CCDC171: variants seen among roughly 807,000 people sequenced by gnomAD.
CCDC171 encodes coiled-coil domain containing 171.
CCDC171 carries 177 observed loss-of-function variants against 168.2 expected under a neutral mutation model. That is an observed-to-expected ratio of 1.05 (90% CI 0.93 to 1.19). The LOEUF (loss-of-function observed/expected upper bound fraction) is 1.19. CCDC171 is among the 50% of genes most tolerant of loss of function. The pLI, the probability that CCDC171 is intolerant of heterozygous loss-of-function variation, is 0.00. For synonymous variants in CCDC171, 687 were observed against 540.8 expected, an observed-to-expected ratio of 1.27 and a Z score of -3.75; for missense variants, 1,991 against 1,539.0, an observed-to-expected ratio of 1.29 and a Z score of -4.91.
chr9:15,849,870 A>G (rs777147643), intron 23 of CCDC171, among the ~76,000 whole-genome samples: 1 of 151,874 alleles, frequency 6.6e-6, no homozygotes, highest in Non-Finnish European at 1.5e-5. Context: ...GCATTTTAAC[A>G]TTTTAAAAAC....
At chr9:15,645,637 A>C (rs1201396353) in intron 7 of CCDC171, among the ~76,000 whole-genome samples, 1 of 152,232 alleles carries the variant, frequency 6.6e-6, no homozygotes, top group African/African-American at 2.4e-5. Flanking sequence ...AAGTGAAAGA[A>C]AGGGTATCAG....
chr9:15,725,902 C>T (rs929142813), intron 14 of CCDC171, among the ~76,000 whole-genome samples: 2 of 152,148 alleles, frequency 1.3e-5, no homozygotes, highest in African/African-American at 2.4e-5. Flanking sequence ...GTTGCCTACC[C>T]ATTTATGTTT....
In CCDC171 at chr9:15,817,108, A is replaced by G. The variant is rs1304509727; in HGVS notation, c.3268-29594A>G. The stretch of plus-strand genomic sequence containing the variant: ...AGCGCACTTGTCTAATTCCATTCTG[A>G]TTGGCATTGGCTGTCATTAGGTGTT... On this transcript the variant is annotated intron_variant, in intron 21 of 25. Transcript: ENST00000380701. 1.7e-5 allele frequency among the ~76,000 whole-genome samples: 2 copies of G among 116,972 alleles called. 1 individual carries two copies. The highest frequency in any genetic ancestry group is 1.6e-4 in the Admixed American group (2 of 12,384). The allele number at this position is 116,972 out of a possible 152,430, so 76.7% of individuals were successfully genotyped here. A position where few individuals can be genotyped will look rare whatever the true frequency, so the allele number is the denominator to read the frequency against.
At chr9:15,658,961 C>T (rs1427694788) in intron 8 of CCDC171, among the ~76,000 whole-genome samples, 1 of 152,040 alleles carries the variant, frequency 6.6e-6, no homozygotes, top group Non-Finnish European at 1.5e-5. Flanking sequence ...AACTAATTTG[C>T]AGTGTGAGGG....
At chr9:16,021,212 CG>C (rs1833153584) in intron 4 of CCDC171, among the ~76,000 whole-genome samples, 2 of 152,226 alleles carry the variant, frequency 1.3e-5, no homozygotes, top group Admixed American at 6.5e-5. Context: ...CTCAGCCTCC[CG>C]AGTAGCTGGG....
intron 6 of CCDC171, among the ~76,000 whole-genome samples, chr9:16,028,334 AGACC>A (rs1833311695): frequency 6.6e-6 from 1 of 152,198 alleles, no homozygotes; most frequent in South Asian, 2.1e-4. Context: ...GTTAGCAGAG[AGACC>A]GACCGGGAGA....
At chr9:15,674,605 AT>A (rs1257309724) in intron 9 of CCDC171, among the ~76,000 whole-genome samples, 1 of 151,950 alleles carries the variant, frequency 6.6e-6, no homozygotes, top group African/African-American at 2.4e-5. Context: ...TTCTGCCTTC[AT>A]TTTGTTATTT....
At chr9:15,699,637 G>T (rs960036466) in intron 11 of CCDC171, among the ~76,000 whole-genome samples, 19 of 152,054 alleles carry the variant, frequency 1.2e-4, no homozygotes, top group Admixed American at 1.2e-3. Flanking sequence ...GGCCCCACCA[G>T]AGTAGCTAGA....
At chr9:15,579,648 T>C (rs1391622230) in intron 4 of CCDC171, among the ~76,000 whole-genome samples, 1 of 152,218 alleles carries the variant, frequency 6.6e-6, no homozygotes, top group African/African-American at 2.4e-5. Context: ...AAAGCCCTTC[T>C]ACATGGATGA....
intron 6 of CCDC171, among the ~76,000 whole-genome samples, chr9:15,601,221 A>G (rs761294321): frequency 2.0e-5 from 3 of 152,178 alleles, no homozygotes; most frequent in Non-Finnish European, 2.9e-5. Context: ...CGTCTTTTGC[A>G]TCGCTCTTGC....
chr9:15,881,479 T>G (rs1295790766), intron 24 of CCDC171, among the ~76,000 whole-genome samples: 1 of 152,228 alleles, frequency 6.6e-6, no homozygotes, highest in Non-Finnish European at 1.5e-5. Context: ...TTCTTTATAT[T>G]AGAACCATTC....
intron 18 of CCDC171, among the ~76,000 whole-genome samples, chr9:15,777,009 G>A (rs993547433): frequency 6.6e-6 from 1 of 152,096 alleles, no homozygotes; most frequent in Non-Finnish European, 1.5e-5. Flanking sequence ...CCATTATCTG[G>A]AATACCAATT....
chr9:15,982,397 C>T (rs975151253), intron 3 of CCDC171, among the ~76,000 whole-genome samples: 7 of 152,142 alleles, frequency 4.6e-5, no homozygotes, highest in Non-Finnish European at 8.8e-5. Context: ...ACCTTCTCTA[C>T]TGAGCTCTTG....
intron 21 of CCDC171, among the ~76,000 whole-genome samples, chr9:15,824,975 C>T (rs138692669): frequency 6.6e-6 from 1 of 152,120 alleles, no homozygotes; most frequent in Non-Finnish European, 1.5e-5. Context: ...ATTTATTTTA[C>T]CTAGAGAAGT....
intron 24 of CCDC171, among the ~76,000 whole-genome samples, chr9:15,908,831 G>T (rs551635787): frequency 1.3e-5 from 2 of 152,102 alleles, no homozygotes; most frequent in African/African-American, 4.8e-5. Context: ...GGGAGAGGGA[G>T]GTGCCACATG....
At position 15,863,666 on chromosome 9, in the gene CCDC171, T is replaced by A. The variant is rs1203169038; in HGVS notation, c.3469-10866T>A. On this transcript the variant is annotated intron_variant, in intron 23 of 25. Coordinates refer to ENST00000380701, the MANE Select transcript of CCDC171 (RefSeq NM_173550.4). Reference sequence around the variant, plus strand: ...GTACATGGTTTTCTATAACTTTATATGCACATTTAAAATAATTGATTTAAA... The same window carrying A: ...GTACATGGTTTTCTATAACTTTATAAGCACATTTAAAATAATTGATTTAAA... Among the ~76,000 whole-genome samples the A allele has an allele frequency of 2.0e-5, 3 of 152,238 alleles. No homozygotes were observed. The South Asian group carries it at 6.2e-4, about 32-fold the overall frequency.
chr9:15,669,193 A>G (rs1283104182), intron 9 of CCDC171, among the ~76,000 whole-genome samples: 3 of 152,184 alleles, frequency 2.0e-5, no homozygotes, highest in Non-Finnish European at 4.4e-5. Context: ...TCCTACATGA[A>G]ATTATTTTAG....
chr9:15,735,431 A>G (rs1353880231), intron 16 of CCDC171, among the ~76,000 whole-genome samples: 1 of 152,190 alleles, frequency 6.6e-6, no homozygotes, highest in Non-Finnish European at 1.5e-5. Flanking sequence ...TTCTAGAAGT[A>G]AAGTTTTTTT....
intron 11 of CCDC171, among the ~76,000 whole-genome samples, chr9:15,698,728 A>AT (rs1564235694): frequency 2.0e-5 from 3 of 151,546 alleles, no homozygotes; most frequent in Admixed American, 6.6e-5. Flanking sequence ...TCTTTCTTTT[A>AT]TTTTTTTAGA....
Sources: allele counts gnomAD v4.1 joint callset (sites outside exome capture counted in the v4.1 genomes callset), GRCh38; gene constraint gnomAD v4.1.1; transcripts MANE v1.5; gene names NCBI Gene and HGNC (gene_info 2026-07-23, HGNC 2026-07-21).